The following RNF175 variants were observed in gnomAD, a reference collection of about 807,000 sequenced individuals.
RNF175 encodes ring finger protein 175.
Under a neutral mutation model 50.0 loss-of-function variants are expected in RNF175, and 38 were observed. The ratio of observed to expected loss-of-function variants is 0.76; its 90% confidence interval spans 0.59 to 1.00. The LOEUF (loss-of-function observed/expected upper bound fraction) is 1.00. Among genes scored for constraint, RNF175 ranks in the 50% least tolerant of loss-of-function variants. RNF175 has a pLI of 0.00. For synonymous variants in RNF175, 155 were observed against 146.1 expected (o/e 1.06, Z -0.44); for missense variants, 388 against 409.6 (o/e 0.95, Z 0.46).
At chr4:153,713,198 T>A (rs1365371998) in intron 7 of RNF175, 1 of 152,204 alleles carries the variant, frequency 6.6e-6, no homozygotes, top group Non-Finnish European at 1.5e-5. Context: ...CGTCTCCTGG[T>A]CCAGAAAGTC....
intron 8 of RNF175, among the ~76,000 whole-genome samples, chr4:153,710,703 T>G (rs535495291): frequency 6.6e-6 from 1 of 152,306 alleles, no homozygotes; most frequent in East Asian, 1.9e-4. Context: ...TAAATTGAAG[T>G]TCTTTACAAT....
At chr4:153,715,343 C>A (rs1404942663) in intron 7 of RNF175, 186 bp downstream of exon 7, 8 of 672,570 alleles carry the variant, frequency 1.2e-5, no homozygotes, top group Non-Finnish European at 1.9e-5. Flanking sequence ...GGAGGTTCAC[C>A]TTAATTAGCA....
chr4:153,749,938 A>AT (rs2127159390), intron 2 of RNF175, among the ~76,000 whole-genome samples: 1 of 152,296 alleles, frequency 6.6e-6, no homozygotes, highest in South Asian at 2.1e-4. Flanking sequence ...ATTCTGTGGT[A>AT]TTTTGTTATG....
At chr4:153,715,444 G>A (rs1199179509) in intron 7 of RNF175, 85 bp downstream of exon 7, 2 of 1,325,074 alleles carry the variant, frequency 1.5e-6, no homozygotes, top group Admixed American at 2.0e-5. Context: ...GCAAGATGGA[G>A]GAGATGGGGA....
At chr4:153,745,769 T>C (rs1049241585) in intron 3 of RNF175, 1 of 152,024 alleles carries the variant, frequency 6.6e-6, no homozygotes, top group African/African-American at 2.4e-5. Context: ...CCAGAGAAAA[T>C]GAGAGAGAGA....
At chr4:153,713,592 G>C (rs1239560775) in intron 7 of RNF175, 2 of 152,110 alleles carry the variant, frequency 1.3e-5, no homozygotes, top group African/African-American at 4.8e-5. Context: ...TACACACCCA[G>C]GTGAACAGCA....
intron 3 of RNF175, among the ~76,000 whole-genome samples, chr4:153,746,584 T>C (rs1739987108): frequency 1.3e-5 from 2 of 151,938 alleles, no homozygotes; most frequent in Non-Finnish European, 2.9e-5. Flanking sequence ...TGCATGCCCA[T>C]AGCTCTCCGA....
chr4:153,749,083 T>A (rs964358330), intron 2 of RNF175, among the ~76,000 whole-genome samples: 10 of 152,198 alleles, frequency 6.6e-5, no homozygotes, highest in Non-Finnish European at 1.3e-4. Context: ...TCTTTTAAGT[T>A]AAGTGATGGG....
At chr4:153,718,674 G>T (rs917053655) in intron 6 of RNF175, among the ~76,000 whole-genome samples, 3 of 152,082 alleles carry the variant, frequency 2.0e-5, no homozygotes, top group Admixed American at 2.0e-4. Flanking sequence ...TTTCCAAGGG[G>T]TATAACTTCT....
chr4:153,755,868 A>G (rs964216145), intron 1 of RNF175, among the ~76,000 whole-genome samples: 4 of 152,248 alleles, frequency 2.6e-5, no homozygotes, highest in African/African-American at 7.2e-5. Flanking sequence ...CTACAAAATG[A>G]TAACACAGAT....
chr4:153,720,683 C>A (rs1020533452), intron 5 of RNF175: 4 of 187,700 alleles, frequency 2.1e-5, no homozygotes, highest in Non-Finnish European at 4.6e-5. Context: ...CATTAAGAAC[C>A]ACTAGAGCAA....
chr4:153,722,905 G>A (rs550176909), intron 5 of RNF175, among the ~76,000 whole-genome samples: 18 of 152,222 alleles, frequency 1.2e-4, no homozygotes, highest in African/African-American at 4.3e-4. Context: ...TACACTTAGA[G>A]TACATCTTAT....
At chr4:153,717,534 AACACACACAC>A (rs61710163) in intron 6 of RNF175, among the ~76,000 whole-genome samples, 1 of 149,678 alleles carries the variant, frequency 6.7e-6, no homozygotes, top group African/African-American at 2.4e-5. Flanking sequence ...TACACACACA[AACACACACAC>A]ACACACACAC....
chr4:153,724,437 T>G (rs1466163755), intron 4 of RNF175, among the ~76,000 whole-genome samples: 1 of 152,188 alleles, frequency 6.6e-6, no homozygotes, highest in African/African-American at 2.4e-5. Context: ...TACAAGGGTG[T>G]GCAATGGCAG....
chr4:153,716,692 C>T (rs1355988077), intron 6 of RNF175, among the ~76,000 whole-genome samples: 1 of 151,986 alleles, frequency 6.6e-6, no homozygotes, highest in African/African-American at 2.4e-5. Context: ...AGGAATTGGC[C>T]CACACATTTG....
At chr4:153,715,306 C>T (rs1290868781) in intron 7 of RNF175, 5 of 596,984 alleles carry the variant, frequency 8.4e-6, no homozygotes, top group Non-Finnish European at 1.5e-5. Flanking sequence ...ATTAACAGTC[C>T]TCTTTAGAAA....
At chr4:153,712,805 GC>G (rs1737679002) in intron 7 of RNF175, among the ~76,000 whole-genome samples, 1 of 151,680 alleles carries the variant, frequency 6.6e-6, no homozygotes, top group Non-Finnish European at 1.5e-5. Context: ...TGGCCTTCTT[GC>G]CTCACTTGAT....
chr4:153,710,261 C>T lies in RNF175; in HGVS notation c.*108G>A. On this transcript the variant is annotated 3_prime_UTR_variant, in exon 9 of 9. Coordinates refer to ENST00000347063, the MANE Select transcript of RNF175 (RefSeq NM_173662.4). The stretch of plus-strand genomic sequence containing the variant: ...ACAAATTGCTTGACAACAAAGTTTA[C>T]TTAGTTTTCTAAACACTTGGGATCA... 9.6e-6 allele frequency: 8 copies of T among 830,234 alleles called. No homozygotes were observed. Among genetic ancestry groups the T allele is most frequent in the Non-Finnish European group, 1.2e-5 (7 of 571,404 alleles). The allele number at this position is 830,234 out of a possible 1,614,324, so 51.4% of individuals were successfully genotyped here.
At chr4:153,741,901 G>GA (rs1337105775) in intron 3 of RNF175, among the ~76,000 whole-genome samples, 1 of 151,878 alleles carries the variant, frequency 6.6e-6, no homozygotes, top group Admixed American at 6.6e-5. Flanking sequence ...AAAGTAATGG[G>GA]AAAAACCACA....
Sources: gnomAD v4.1 joint callset for allele counts (sites outside exome capture counted in the v4.1 genomes callset) on GRCh38, gnomAD v4.1.1 for gene constraint, MANE v1.5 for transcripts, NCBI Gene and HGNC (gene_info 2026-07-23, HGNC 2026-07-21) for gene names.